Variants in ZFAND4 observed in about 807,000 individuals in gnomAD.
ZFAND4 encodes zinc finger AN1-type containing 4, also known as AN1-type zinc finger protein 4.
Under a neutral mutation model 64.4 loss-of-function variants are expected in ZFAND4, and 43 were observed. That is an observed-to-expected ratio of 0.67 (90% CI 0.52 to 0.86). The LOEUF (loss-of-function observed/expected upper bound fraction) is 0.86. Ranked by LOEUF, ZFAND4 falls within the 40% of genes least tolerant of loss-of-function variation. ZFAND4 has a pLI of 0.00. For missense variants in ZFAND4, 929 were observed against 859.8 expected, an observed-to-expected ratio of 1.08 and a Z score of -1.01; for synonymous variants, 296 against 305.7, an observed-to-expected ratio of 0.97 and a Z score of 0.33.
intron 6 of ZFAND4, among the ~76,000 whole-genome samples, chr10:45,638,020 T>C (rs11239580): frequency 0.1 from 15,367 of 152,050 alleles, 983 homozygotes; most frequent in Non-Finnish European, 0.14. Context: ...TGGTCAATAA[T>C]CATATGAAAA....
intron 6 of ZFAND4, 49 bp from the exon 7 acceptor site, chr10:45,627,154 C>A: frequency 6.9e-7 from 1 of 1,452,288 alleles, no homozygotes; most frequent in East Asian, 2.3e-5. Context: ...TTTCTCTGCC[C>A]ATTAACAAAA....
chr10:45,616,567 CACA>C lies in ZFAND4; in HGVS notation c.2050_2052del (p.Cys684del), dbSNP rs763323511. ...CGATGAGATGCACAGAAGTTGTTTC[CACA>C]TCTAAAGCACAAAAAAAGTTTACGT... On this transcript the variant is annotated inframe_deletion and splice_region_variant, in exon 10 of 10. Transcript: ENST00000344646. 1.2e-6 allele frequency: 2 copies of C among 1,613,810 alleles called. No individual in the cohort carries two copies. Among genetic ancestry groups the C allele is most frequent in the Non-Finnish European group, 1.7e-6 (2 of 1,179,884 alleles).
Position 45,629,245 on chromosome 10 carries a change from T to C in ZFAND4, c.718-2140A>G, listed in dbSNP as rs186158768. Among the ~76,000 whole-genome samples, 17 of 152,162 alleles carry C rather than the reference T, an allele frequency of 1.1e-4. No individual in the cohort carries two copies. The East Asian group carries it at 3.3e-3, about 30-fold the overall frequency. On this transcript the variant is annotated intron_variant, in intron 6 of 9. Transcript: ENST00000344646. ...GCCCAGCTAATTTTTATATTTTTTGTAGAGATGGGGTCTCCCTATGTTGAC... is the reference window on the plus strand; with the variant it reads ...GCCCAGCTAATTTTTATATTTTTTGCAGAGATGGGGTCTCCCTATGTTGAC...
In ZFAND4 at chr10:45,672,699, T is replaced by A. The variant is rs1439556732; in HGVS notation, c.-567A>T. The A allele has an allele frequency of 1.3e-5, 2 of 152,134 alleles. No homozygotes were observed. Among genetic ancestry groups the A allele is most frequent in the African/African-American group, 4.8e-5 (2 of 41,434 alleles). 9.4% of individuals were successfully genotyped at this position (152,134 alleles called of 1,614,324 possible). ...CTCACCCGCAGTCTTGTCCGCTGGC[T>A]CGCTCGCCCGCCTACAGGTCGACAG... On this transcript the variant is annotated 5_prime_UTR_variant, in exon 1 of 10. Coordinates refer to ENST00000344646, the MANE Select transcript of ZFAND4 (RefSeq NM_174890.4).
At chr10:45,663,110 C>T (rs1178100705) in intron 2 of ZFAND4, among the ~76,000 whole-genome samples, 1 of 146,916 alleles carries the variant, frequency 6.8e-6, no homozygotes, top group Non-Finnish European at 1.5e-5. Context: ...GGAAAACCTC[C>T]ACATTAAAAA....
rs138639224 is a variant in ZFAND4, at chr10:45,637,677, G to C, written c.717+2139C>G. Among the ~76,000 whole-genome samples the C allele has an allele frequency of 6.2e-3, 948 of 152,248 alleles. 10 individuals carry two copies. The highest frequency in any genetic ancestry group is 0.022 in the African/African-American group (914 of 41,542). ...GGGCAGAAGAATTGCTTGAACCCAG[G>C]AGGTGGAGGTTGCAGTGAGCAGAGA... is the stretch of plus-strand genomic sequence containing the variant. On this transcript the variant is annotated intron_variant, in intron 6 of 9. Transcript: ENST00000344646.
At chr10:45,654,309 T>C (rs1019667575) in intron 2 of ZFAND4, among the ~76,000 whole-genome samples, 1 of 151,968 alleles carries the variant, frequency 6.6e-6, no homozygotes, top group African/African-American at 2.4e-5. Context: ...CCACTGAACC[T>C]AAAAGTTGAA....
chr10:45,640,067 C>A, intron 5 of ZFAND4, 104 bp from the exon 6 acceptor site: 1 of 1,358,344 alleles, frequency 7.4e-7, no homozygotes, highest in Non-Finnish European at 9.8e-7. Context: ...AATGATAAAA[C>A]ACTACATCCA....
intron 8 of ZFAND4, among the ~76,000 whole-genome samples, chr10:45,624,300 G>A (rs2045639455): frequency 6.6e-6 from 1 of 152,156 alleles, no homozygotes; most frequent in East Asian, 1.9e-4. Context: ...TAAGGTGGTT[G>A]GGAACTACAT....
At chr10:45,653,958 T>C (rs990252787) in intron 2 of ZFAND4, among the ~76,000 whole-genome samples, 1 of 152,116 alleles carries the variant, frequency 6.6e-6, no homozygotes, top group Non-Finnish European at 1.5e-5. Flanking sequence ...TAAAATGTGG[T>C]GCATATACAC....
rs1314105841 is a variant in ZFAND4 at position 45,640,358 on chromosome 10, G to A, written c.570-395C>T. 2.4e-6 allele frequency: 3 copies of A among 1,249,650 alleles called. No homozygotes were observed. The Admixed American group carries it at 8.1e-5, about 34-fold the overall frequency. The allele number at this position is 1,249,650 out of a possible 1,614,324, so 77.4% of individuals were successfully genotyped here. On this transcript the variant is annotated intron_variant, in intron 5 of 9. Coordinates refer to ENST00000344646, the MANE Select transcript of ZFAND4 (RefSeq NM_174890.4). ...AGGCTGATGAGATTTCCATGAATCA[G>A]AATTTTTTTAAATTTGGCACGGGAG...
chr10:45,639,963 A>G lies in ZFAND4; in HGVS notation c.570T>C (p.Ser190=). The G allele has an allele frequency of 6.2e-7, 1 of 1,600,598 alleles. No individual in the cohort carries two copies. Among genetic ancestry groups the G allele is most frequent in the Middle Eastern group, 1.9e-4 (1 of 5,370 alleles). The change falls in exon 6 of 10, where the codon AGT becomes AGC. Residue 190 remains serine (S), a splice_region_variant and synonymous_variant. Coordinates refer to ENST00000344646, the MANE Select transcript of ZFAND4 (RefSeq NM_174890.4). Reference sequence around the variant, plus strand: ...TATCTGAATTATACATAGAACCACCACTGCAAAGAAAACAATAACTACTTG... The same window carrying G: ...TATCTGAATTATACATAGAACCACCGCTGCAAAGAAAACAATAACTACTTG... ...VLRRKGEHRM[S]GGSMYNSDTD... is the part of the protein sequence containing the mutation.
intron 2 of ZFAND4, among the ~76,000 whole-genome samples, chr10:45,654,784 AG>A (rs2047994310): frequency 6.6e-6 from 1 of 152,184 alleles, no homozygotes; most frequent in African/African-American, 2.4e-5. Flanking sequence ...TAATGATAAA[AG>A]GATCAATCCA....
intron 5 of ZFAND4, among the ~76,000 whole-genome samples, chr10:45,643,211 C>T (rs1240798309): frequency 1.3e-5 from 2 of 151,562 alleles, no homozygotes; most frequent in African/African-American, 4.8e-5. Context: ...TGAGCCACCA[C>T]GCCCGGCCTC....
intron 5 of ZFAND4, among the ~76,000 whole-genome samples, chr10:45,644,974 C>CG (rs369146465): frequency 7.6e-6 from 1 of 130,954 alleles, no homozygotes; most frequent in African/African-American, 2.8e-5. Flanking sequence ...CATGTAAGGT[C>CG]TTTTTTTTTT....
At chr10:45,648,210 T>G in intron 5 of ZFAND4, 84 bp downstream of exon 5, 1 of 1,332,134 alleles carries the variant, frequency 7.5e-7, no homozygotes, top group Non-Finnish European at 1.0e-6. Flanking sequence ...TATTGGGGGC[T>G]GGGGCAGGAA....
intron 2 of ZFAND4, among the ~76,000 whole-genome samples, chr10:45,653,757 G>T (rs2047914689): frequency 6.6e-6 from 1 of 152,180 alleles, no homozygotes; most frequent in Admixed American, 6.5e-5. Context: ...AAAGCAATGT[G>T]GAGATTTCTC....
intron 1 of ZFAND4, among the ~76,000 whole-genome samples, chr10:45,670,956 G>T (rs979206808): frequency 3.9e-5 from 6 of 152,116 alleles, no homozygotes; most frequent in Non-Finnish European, 4.4e-5. Flanking sequence ...CTAATATCCA[G>T]AATCTACAAA....
intron 5 of ZFAND4, among the ~76,000 whole-genome samples, chr10:45,644,095 T>C (rs969178574): frequency 2.6e-5 from 4 of 151,892 alleles, no homozygotes; most frequent in African/African-American, 9.7e-5. Flanking sequence ...GCTCTCTCGT[T>C]GCTCTACACT....
Sources: gnomAD v4.1 joint callset for allele counts (sites outside exome capture counted in the v4.1 genomes callset) on GRCh38, gnomAD v4.1.1 for gene constraint, MANE v1.5 for transcripts, NCBI Gene and HGNC (gene_info 2026-07-23, HGNC 2026-07-21) for gene names.